The following HLCS variants were observed in gnomAD, a reference collection of about 807,000 sequenced individuals.
HLCS encodes the protein biotin--protein ligase.
Under a neutral mutation model 75.0 loss-of-function variants are expected in HLCS, and 53 were observed. The observed-to-expected ratio is 0.71, with a 90% CI of 0.57 to 0.89. HLCS has a LOEUF of 0.89. Among genes scored for constraint, HLCS ranks in the 40% least tolerant of loss-of-function variants. HLCS has a pLI of 0.00. For missense variants in HLCS, 966 were observed against 1,074.0 expected (o/e 0.90, Z 1.41); for synonymous variants, 431 against 428.6 (o/e 1.01, Z -0.07).
At chr21:36,821,713 G>A (rs962846676) in intron 6 of HLCS, among the ~76,000 whole-genome samples, 14 of 152,152 alleles carry the variant, frequency 9.2e-5, no homozygotes, top group African/African-American at 3.1e-4. Flanking sequence ...AACACTTTCC[G>A]CATTTTGTCT....
chr21:36,963,823 C>A (rs948744806), intron 1 of HLCS, among the ~76,000 whole-genome samples: 1 of 152,190 alleles, frequency 6.6e-6, no homozygotes, highest in African/African-American at 2.4e-5. Context: ...CTTGATACTG[C>A]CAATTTGTAT....
At chr21:36,984,579 G>T (rs2069191264) in intron 1 of HLCS, among the ~76,000 whole-genome samples, 1 of 152,160 alleles carries the variant, frequency 6.6e-6, no homozygotes, top group Non-Finnish European at 1.5e-5. Context: ...CATGAATTAT[G>T]TTCTCACTTC....
intron 6 of HLCS, among the ~76,000 whole-genome samples, chr21:36,791,376 C>A (rs761081385): frequency 5.3e-5 from 8 of 152,098 alleles, no homozygotes; most frequent in Non-Finnish European, 8.8e-5. Flanking sequence ...CACCAACTGC[C>A]AAGTTCCTGC....
At chr21:36,840,970 T>C (rs1347667399) in intron 6 of HLCS, among the ~76,000 whole-genome samples, 10 of 152,058 alleles carry the variant, frequency 6.6e-5, no homozygotes, top group Admixed American at 2.0e-4. Context: ...TCCATGAGGA[T>C]TTTTGTTTTT....
At chr21:36,945,989 G>T in intron 2 of HLCS, 1 of 318,016 alleles carries the variant, frequency 3.1e-6, no homozygotes, top group Non-Finnish European at 4.6e-6. Flanking sequence ...TGTCTGTAAG[G>T]TAGAGATAAG....
At chr21:36,883,722 TCTTGGTGGCCACCCCA>T (rs2064326913) in intron 6 of HLCS, among the ~76,000 whole-genome samples, 1 of 152,184 alleles carries the variant, frequency 6.6e-6, no homozygotes, top group Non-Finnish European at 1.5e-5. Context: ...TTAAACCAAC[TCTTGGTGGCCACCCCA>T]CTCCGTGTCA....
rs535800891 is a variant in HLCS at position 36,861,668 on chromosome 21, G to A, written c.1892+35192C>T. Among the ~76,000 whole-genome samples, 7 of 152,214 alleles carry A rather than the reference G, an allele frequency of 4.6e-5. 1 individual carries two copies. In the South Asian group the frequency reaches 1.2e-3, roughly 27 times the overall value. On this transcript the variant is annotated intron_variant, in intron 6 of 10. Transcript: ENST00000674895. ...TATTTGGTTTTCTGTTACTGTGTTC[G>A]TTTGCTTATACTTTCTTTTAAAAGA...
intron 2 of HLCS, among the ~76,000 whole-genome samples, chr21:36,952,187 G>A (rs918543533): frequency 2.0e-5 from 3 of 152,134 alleles, no homozygotes; most frequent in African/African-American, 7.2e-5. Flanking sequence ...AAGTCAGGTA[G>A]AACATACACA....
At chr21:36,936,391 C>T (rs2066878449) in intron 4 of HLCS, 58 bp downstream of exon 4, 1 of 1,422,432 alleles carries the variant, frequency 7.0e-7, no homozygotes, top group Admixed American at 1.7e-5. Flanking sequence ...AGACATATTC[C>T]CTCGCAAAAA....
chr21:36,918,138 C>T (rs1481918406), intron 5 of HLCS, among the ~76,000 whole-genome samples: 3 of 152,170 alleles, frequency 2.0e-5, no homozygotes. Context: ...TAAAGCCCAG[C>T]CTGTCTGCTT....
chr21:36,953,902 AG>A (rs1312133657), intron 2 of HLCS, among the ~76,000 whole-genome samples: 1 of 152,206 alleles, frequency 6.6e-6, no homozygotes, highest in Non-Finnish European at 1.5e-5. Context: ...ATTACAATGG[AG>A]GTAAAAAATT....
chr21:36,756,165 G>C (rs557047143), intron 10 of HLCS, among the ~76,000 whole-genome samples: 1 of 152,034 alleles, frequency 6.6e-6, no homozygotes, highest in Non-Finnish European at 1.5e-5. Context: ...ACGGCCGGGC[G>C]CGGTGGCTCA....
intron 6 of HLCS, among the ~76,000 whole-genome samples, chr21:36,791,074 T>C (rs73902731): frequency 0.073 from 11,173 of 152,184 alleles, 890 homozygotes; most frequent in African/African-American, 0.21. Context: ...GCAGAGATCT[T>C]TGGGGACATG....
In HLCS at chr21:36,940,596, A is replaced by C. The variant is rs190858839; in HGVS notation, c.331-1602T>G. Reference sequence around the variant, plus strand: ...CATTACCTTAAAAGTCTGGAAGAACAGACTAGATAATAGTGAACTTCCAGG... The same window carrying C: ...CATTACCTTAAAAGTCTGGAAGAACCGACTAGATAATAGTGAACTTCCAGG... On this transcript the variant is annotated intron_variant, in intron 2 of 10. Transcript: ENST00000674895. Among the ~76,000 whole-genome samples, 6 of 152,382 alleles carry C rather than the reference A, an allele frequency of 3.9e-5. No individual in the cohort carries two copies. The East Asian group carries it at 9.6e-4, about 24-fold the overall frequency.
intron 6 of HLCS, among the ~76,000 whole-genome samples, chr21:36,785,363 G>A (rs539434446): frequency 6.6e-6 from 1 of 152,100 alleles, no homozygotes; most frequent in South Asian, 2.1e-4. Flanking sequence ...ACGAAACCTG[G>A]TTCGGAATCC....
Position 36,749,051 on chromosome 21 carries a change from T to G in HLCS, c.*5195A>C, listed in dbSNP as rs1180431590. On this transcript the variant is annotated 3_prime_UTR_variant, in exon 11 of 11. Coordinates refer to ENST00000674895, the MANE Select transcript of HLCS (RefSeq NM_001352514.2). ...GAAAAACATGCTTAAGGGGGTGTAA[T>G]GAAAATGATGTAGACATTTTAAGCA... is the stretch of plus-strand genomic sequence containing the variant. The G allele has an allele frequency of 2.0e-5, 3 of 152,658 alleles. No homozygotes were observed. The highest frequency in any genetic ancestry group is 4.4e-5 in the Non-Finnish European group (3 of 68,044). 9.5% of individuals were successfully genotyped at this position (152,658 alleles called of 1,614,324 possible).
At chr21:36,774,608 AAT>A (rs2060301824) in intron 6 of HLCS, among the ~76,000 whole-genome samples, 1 of 152,122 alleles carries the variant, frequency 6.6e-6, no homozygotes, top group Non-Finnish European at 1.5e-5. Flanking sequence ...GGTGGGGACA[AAT>A]GTGTGTGTTT....
At chr21:36,761,491 C>A (rs894470137) in intron 8 of HLCS, among the ~76,000 whole-genome samples, 27 of 152,190 alleles carry the variant, frequency 1.8e-4, no homozygotes, top group African/African-American at 6.3e-4. Context: ...AACTGATCAA[C>A]AGCTTCACGT....
In HLCS at chr21:36,936,838, C is replaced by T. The variant is rs758743895; in HGVS notation, c.1048G>A (p.Asp350Asn). The change falls in exon 4 of 11, where the codon GAC becomes AAC. Residue 350 changes from aspartate (D) to asparagine (N), a missense_variant. Transcript: ENST00000674895. ...GTCCACGGGTCTCTGAGAGCACTGTCCTCCAGCAGGTGGTAGAGAATATAA... is the reference window on the plus strand; with the variant it reads ...GTCCACGGGTCTCTGAGAGCACTGTTCTCCAGCAGGTGGTAGAGAATATAA... ...DSYILYHLLE[D>N]SALRDPWTDN... is the part of the protein sequence containing the mutation. 1 of 1,614,168 alleles carries T rather than the reference C, an allele frequency of 6.2e-7. No individual in the cohort carries two copies. The highest frequency in any genetic ancestry group is 8.5e-7 in the Non-Finnish European group (1 of 1,180,038).
Sources: gnomAD v4.1 joint callset for allele counts (sites outside exome capture counted in the v4.1 genomes callset) on GRCh38, gnomAD v4.1.1 for gene constraint, MANE v1.5 for transcripts, NCBI Gene and HGNC (gene_info 2026-07-23, HGNC 2026-07-21) for gene names.